MAGI2: variants seen among roughly 807,000 people sequenced by gnomAD.
The protein encoded by MAGI2 is membrane associated guanylate kinase, WW and PDZ domain containing 2, also known as membrane-associated guanylate kinase, WW and PDZ domain-containing protein 2.
MAGI2 carries 35 observed loss-of-function variants against 133.3 expected under a neutral mutation model. The observed-to-expected ratio is 0.26, with a 90% CI of 0.20 to 0.35. MAGI2 has a LOEUF of 0.35. Among genes scored for constraint, MAGI2 ranks in the 10% least tolerant of loss-of-function variants. The probability of loss-of-function intolerance (pLI) is 1.00; values close to 1 mark genes in which losing one functional copy is unlikely to be tolerated. For missense variants in MAGI2, 1,636 were observed against 1,863.4 expected (o/e 0.88, Z 2.25); for synonymous variants, 729 against 710.6 (o/e 1.03, Z -0.41).
intron 2 of MAGI2, among the ~76,000 whole-genome samples, chr7:78,827,897 T>A (rs1029596171): frequency 6.6e-6 from 1 of 152,170 alleles, no homozygotes; most frequent in Non-Finnish European, 1.5e-5. Flanking sequence ...TTTTATTTTA[T>A]TTTTTGAGAC....
intron 2 of MAGI2, among the ~76,000 whole-genome samples, chr7:78,896,103 T>C (rs1584318370): frequency 6.6e-6 from 1 of 152,238 alleles, no homozygotes; most frequent in African/African-American, 2.4e-5. Flanking sequence ...AAAATTTACT[T>C]GTCAACCTAT....
intron 3 of MAGI2, chr7:78,617,571 A>G (rs1415069633): frequency 6.6e-6 from 1 of 152,054 alleles, no homozygotes; most frequent in African/African-American, 2.4e-5. Flanking sequence ...CAATAAGGAG[A>G]AGCTTTCATA....
intron 2 of MAGI2, among the ~76,000 whole-genome samples, chr7:78,949,875 G>T (rs1283803674): frequency 6.6e-6 from 1 of 152,110 alleles, no homozygotes; most frequent in African/African-American, 2.4e-5. Flanking sequence ...TTTGCATAAG[G>T]CCTTGCTCCC....
At position 78,810,173 on chromosome 7, in the gene MAGI2, A is replaced by ATT. The variant is rs201610200; in HGVS notation, c.419-182936_419-182935dup. Among the ~76,000 whole-genome samples, 1,095 of 150,142 alleles carry ATT rather than the reference A, an allele frequency of 7.3e-3. 39 individuals carry two copies. Among genetic ancestry groups the ATT allele is most frequent in the Admixed American group, 0.051 (763 of 15,030 alleles). The stretch of plus-strand genomic sequence containing the variant: ...ATATTGTTTTCCTGATAAGTTATAG[A>ATT]TTTTTTTTTTATATAACTATTCCAA... On this transcript the variant is annotated intron_variant, in intron 2 of 21. Coordinates refer to ENST00000354212, the MANE Select transcript of MAGI2 (RefSeq NM_012301.4).
At chr7:78,168,716 T>C (rs781593125) in intron 14 of MAGI2, among the ~76,000 whole-genome samples, 1 of 152,216 alleles carries the variant, frequency 6.6e-6, no homozygotes, top group Non-Finnish European at 1.5e-5. Context: ...GTGAAGCATT[T>C]AACTTTTTTC....
In MAGI2 at chr7:79,364,727, C is replaced by A. The variant is rs147680650; in HGVS notation, c.301+88293G>T. 6.5e-3 allele frequency among the ~76,000 whole-genome samples: 989 copies of A among 152,006 alleles called. 9 individuals are homozygous for A. Among genetic ancestry groups the A allele is most frequent in the African/African-American group, 0.023 (954 of 41,526 alleles). ...CCTTAAGTAAATAGTGCTGAAGGAT[C>A]TGGCAAAAAAACTGATGTGAACTTT... On this transcript the variant is annotated intron_variant, in intron 1 of 21. Transcript: ENST00000354212.
chr7:79,260,041 T>C (rs1488727672), intron 1 of MAGI2, among the ~76,000 whole-genome samples: 1 of 152,218 alleles, frequency 6.6e-6, no homozygotes, highest in Admixed American at 6.5e-5. Context: ...AAACATGAAA[T>C]ACATTTTCAA....
chr7:78,452,653 T>C (rs977422847), intron 6 of MAGI2, among the ~76,000 whole-genome samples: 8 of 151,802 alleles, frequency 5.3e-5, no homozygotes, highest in Non-Finnish European at 5.9e-5. Flanking sequence ...ATGTAGAATG[T>C]AAAAAGCAAC....
rs1814428258 is a variant in MAGI2, at chr7:78,070,215, A to ATATATC, written c.3706+8731_3706+8732insGATATA. On this transcript the variant is annotated intron_variant, in intron 21 of 21. Transcript: ENST00000354212. ...TATATATATATATATATATATATAT[A>ATATATC]TATACACACACACACACAGACATTC... 6.9e-5 allele frequency among the ~76,000 whole-genome samples: 3 copies of ATATATC among 43,256 alleles called. No individual in the cohort carries two copies. The South Asian group carries it at 3.8e-3, about 55-fold the overall frequency. The allele number at this position is 43,256 out of a possible 152,430, so 28.4% of individuals were successfully genotyped here.
chr7:79,374,594 C>T (rs761799489), intron 1 of MAGI2, among the ~76,000 whole-genome samples: 13 of 151,832 alleles, frequency 8.6e-5, no homozygotes, highest in Non-Finnish European at 1.8e-4. Context: ...TACAGCAAGT[C>T]ATAGAAAATA....
intron 9 of MAGI2, among the ~76,000 whole-genome samples, chr7:78,323,521 T>G (rs1334587727): frequency 6.6e-6 from 1 of 152,214 alleles, no homozygotes; most frequent in Non-Finnish European, 1.5e-5. Context: ...GGAGATAGTT[T>G]GGAATTAGAA....
intron 5 of MAGI2, among the ~76,000 whole-genome samples, chr7:78,493,625 C>G (rs1793819865): frequency 7.8e-6 from 1 of 128,574 alleles, no homozygotes; most frequent in Admixed American, 7.6e-5. Flanking sequence ...TTTCCAGGTA[C>G]AAGGTTTTTT....
intron 6 of MAGI2, among the ~76,000 whole-genome samples, chr7:78,393,357 A>G (rs962013347): frequency 2.0e-5 from 3 of 152,228 alleles, no homozygotes; most frequent in African/African-American, 7.2e-5. Flanking sequence ...TTCTAGTGGC[A>G]GCAGAGACTG....
chr7:78,687,132 C>T (rs867953098), intron 2 of MAGI2, among the ~76,000 whole-genome samples: 1 of 152,176 alleles, frequency 6.6e-6, no homozygotes, highest in Non-Finnish European at 1.5e-5. Flanking sequence ...GCATTGAACA[C>T]ATACCCCTGG....
intron 2 of MAGI2, among the ~76,000 whole-genome samples, chr7:78,709,709 T>C (rs1818987815): frequency 6.6e-6 from 1 of 152,210 alleles, no homozygotes; most frequent in African/African-American, 2.4e-5. Flanking sequence ...TTATATGTGT[T>C]TGTGCCTTAG....
At position 78,935,729 on chromosome 7, in the gene MAGI2, T is replaced by G. The variant is rs143770410; in HGVS notation, c.418+71361A>C. ...CTTTACCAAGCCACATGGATGTAAA[T>G]TTTTAAGCAACAACATAATCATAAG... On this transcript the variant is annotated intron_variant, in intron 2 of 21. Transcript: ENST00000354212. 3.0e-3 allele frequency among the ~76,000 whole-genome samples: 461 copies of G among 152,082 alleles called. 7 individuals are homozygous for G. Among genetic ancestry groups the G allele is most frequent in the African/African-American group, 0.011 (444 of 41,498 alleles).
At chr7:78,790,131 C>T (rs550598025) in intron 2 of MAGI2, among the ~76,000 whole-genome samples, 14 of 152,000 alleles carry the variant, frequency 9.2e-5, no homozygotes, top group African/African-American at 3.4e-4. Context: ...TAAAATAAAA[C>T]AAATGTATAT....
chr7:78,658,999 C>T (rs1812617223), intron 2 of MAGI2, among the ~76,000 whole-genome samples: 1 of 152,108 alleles, frequency 6.6e-6, no homozygotes, highest in Non-Finnish European at 1.5e-5. Flanking sequence ...GTTATATTCA[C>T]ACAAAAACCT....
chr7:78,204,979 T>C (rs55780845), intron 10 of MAGI2, among the ~76,000 whole-genome samples: 39,121 of 152,212 alleles, frequency 0.26, 5,344 homozygotes, highest in Middle Eastern at 0.36. Context: ...TTTGTAACTC[T>C]GCATCTAAGA....
Sources: gnomAD v4.1 joint callset for allele counts (sites outside exome capture counted in the v4.1 genomes callset) on GRCh38, gnomAD v4.1.1 for gene constraint, MANE v1.5 for transcripts, NCBI Gene and HGNC (gene_info 2026-07-23, HGNC 2026-07-21) for gene names.